Variants in CWC27 observed in about 807,000 individuals in gnomAD.
CWC27 encodes the protein CWC27 spliceosome associated cyclophilin, also known as spliceosome-associated protein CWC27 homolog.
CWC27 carries 47 observed loss-of-function variants against 63.6 expected under a neutral mutation model. The observed-to-expected ratio is 0.74, with a 90% CI of 0.58 to 0.94. The LOEUF is 0.94. Ranked by LOEUF, CWC27 falls within the 40% of genes least tolerant of loss-of-function variation. The probability of loss-of-function intolerance (pLI) is 0.00; values close to 1 mark genes in which losing one functional copy is unlikely to be tolerated. For synonymous variants in CWC27, 175 were observed against 179.8 expected (o/e 0.97, Z 0.22); for missense variants, 495 against 554.3 (o/e 0.89, Z 1.07).
chr5:64,851,771 C>T (rs927747894), intron 10 of CWC27, among the ~76,000 whole-genome samples: 1 of 152,026 alleles, frequency 6.6e-6, no homozygotes, highest in Non-Finnish European at 1.5e-5. Flanking sequence ...TAAGCAATAC[C>T]AAGTAAAAAT....
At chr5:64,821,508 G>A (rs1230544224) in intron 10 of CWC27, among the ~76,000 whole-genome samples, 1 of 152,180 alleles carries the variant, frequency 6.6e-6, no homozygotes, top group Non-Finnish European at 1.5e-5. Context: ...TCAGCATATA[G>A]TGAATAAGGA....
chr5:64,839,020 A>G (rs1174949500), intron 10 of CWC27, among the ~76,000 whole-genome samples: 3 of 152,240 alleles, frequency 2.0e-5, no homozygotes, highest in African/African-American at 4.8e-5. Context: ...TGAGAAAAGA[A>G]TATCTTTCAA....
intron 11 of CWC27, among the ~76,000 whole-genome samples, chr5:64,920,833 A>T (rs1304511622): frequency 6.6e-6 from 1 of 151,244 alleles, no homozygotes; most frequent in Admixed American, 6.6e-5. Flanking sequence ...GTTTATTTGG[A>T]TCTTCTCTCT....
intron 11 of CWC27, among the ~76,000 whole-genome samples, chr5:64,900,273 G>A (rs908779020): frequency 4.6e-5 from 7 of 152,166 alleles, no homozygotes; most frequent in African/African-American, 1.7e-4. Flanking sequence ...ATAGTTTGCA[G>A]TGTTACTTTG....
At chr5:64,826,230 C>G (rs1405589843) in intron 10 of CWC27, among the ~76,000 whole-genome samples, 1 of 152,072 alleles carries the variant, frequency 6.6e-6, no homozygotes, top group African/African-American at 2.4e-5. Flanking sequence ...CTTAATTTCC[C>G]TTGTGACTTT....
At chr5:64,953,557 C>T (rs1181843075) in intron 11 of CWC27, among the ~76,000 whole-genome samples, 2 of 151,902 alleles carry the variant, frequency 1.3e-5, no homozygotes, top group Non-Finnish European at 2.9e-5. Flanking sequence ...AATTTTTCAC[C>T]TCACCGAGAA....
chr5:64,858,690 T>G (rs1422483625), intron 10 of CWC27, among the ~76,000 whole-genome samples: 1 of 151,588 alleles, frequency 6.6e-6, no homozygotes, highest in Non-Finnish European at 1.5e-5. Flanking sequence ...CAATACAAAT[T>G]AAACCACTAT....
chr5:64,869,454 C>T (rs1580690121), intron 10 of CWC27, among the ~76,000 whole-genome samples: 1 of 152,024 alleles, frequency 6.6e-6, no homozygotes, highest in East Asian at 1.9e-4. Context: ...TAGCACAGTT[C>T]AAGCAAGTTT....
intron 12 of CWC27, among the ~76,000 whole-genome samples, chr5:64,972,237 A>C (rs1258767262): frequency 6.6e-6 from 1 of 152,198 alleles, no homozygotes. Flanking sequence ...GAAATAAGTC[A>C]TTTGGTCTGC....
At chr5:64,769,480 C>T (rs887125993) in intron 1 of CWC27, among the ~76,000 whole-genome samples, 3 of 152,172 alleles carry the variant, frequency 2.0e-5, no homozygotes, top group African/African-American at 4.8e-5. Flanking sequence ...TTTAAACAGA[C>T]ATTTTTGAGT....
chr5:64,993,647 T>C (rs1749580701), intron 13 of CWC27, among the ~76,000 whole-genome samples: 1 of 151,632 alleles, frequency 6.6e-6, no homozygotes, highest in Admixed American at 6.6e-5. Flanking sequence ...CTGGACTCTC[T>C]CCAGAATCTT....
At chr5:64,878,469 T>TAAAAAAAAAAAA (rs1746849585) in intron 10 of CWC27, among the ~76,000 whole-genome samples, 1 of 27,080 alleles carries the variant, frequency 3.7e-5, no homozygotes, top group African/African-American at 2.1e-4. Flanking sequence ...GGGTTACAGA[T>TAAAAAAAAAAAA]TAAAAAAAAA....
At chr5:64,842,869 T>C (rs1745881862) in intron 10 of CWC27, among the ~76,000 whole-genome samples, 1 of 152,220 alleles carries the variant, frequency 6.6e-6, no homozygotes, top group African/African-American at 2.4e-5. Flanking sequence ...CTCAAAGTGC[T>C]GGGATTACAG....
intron 11 of CWC27, among the ~76,000 whole-genome samples, chr5:64,931,720 A>G (rs116643768): frequency 0.036 from 5,522 of 152,098 alleles, 352 homozygotes; most frequent in African/African-American, 0.13. Flanking sequence ...GCATGTGTAT[A>G]TAGCCACTAA....
intron 10 of CWC27, among the ~76,000 whole-genome samples, chr5:64,875,656 A>G (rs1383640166): frequency 5.9e-5 from 9 of 152,166 alleles, no homozygotes; most frequent in Non-Finnish European, 1.3e-4. Context: ...AAACTGTTAC[A>G]TTTCTCACTT....
Position 64,833,167 on chromosome 5 carries a change from A to AC in CWC27, c.938+28788dup, listed in dbSNP as rs939528604. ...AAATTATTTTGTATTATACACACAT[A>AC]CCCCCCCACACAGATTTATGTATGT... On this transcript the variant is annotated intron_variant, in intron 10 of 13. Coordinates refer to ENST00000381070, the MANE Select transcript of CWC27 (RefSeq NM_005869.4). 4.7e-4 allele frequency among the ~76,000 whole-genome samples: 72 copies of AC among 151,616 alleles called. 1 individual carries two copies. Among genetic ancestry groups the AC allele is most frequent in the African/African-American group, 2.2e-4 (9 of 41,432 alleles).
rs1744863802 is a variant in CWC27, at chr5:64,811,057, T to G, written c.938+6671T>G. 1.3e-5 allele frequency among the ~76,000 whole-genome samples: 2 copies of G among 152,094 alleles called. 1 individual carries two copies. The highest frequency in any genetic ancestry group is 4.1e-4 in the South Asian group (2 of 4,828). On this transcript the variant is annotated intron_variant, in intron 10 of 13. Coordinates refer to ENST00000381070, the MANE Select transcript of CWC27 (RefSeq NM_005869.4). ...TGTTTGTACATTTGAATCATCCCATTCCTGAACAAGCTGTTCATAAATTTT... is the reference window on the plus strand; with the variant it reads ...TGTTTGTACATTTGAATCATCCCATGCCTGAACAAGCTGTTCATAAATTTT...
intron 11 of CWC27, among the ~76,000 whole-genome samples, chr5:64,952,779 C>T (rs1162646424): frequency 6.6e-6 from 1 of 152,052 alleles, no homozygotes; most frequent in African/African-American, 2.4e-5. Flanking sequence ...CCTTTAGAAG[C>T]AAGCTTACAG....
chr5:64,899,293 A>G (rs1747449455), intron 11 of CWC27, among the ~76,000 whole-genome samples: 1 of 152,218 alleles, frequency 6.6e-6, no homozygotes, highest in Non-Finnish European at 1.5e-5. Flanking sequence ...GGCAATAAGT[A>G]TAACAGTAGT....
Sources: gnomAD v4.1 joint callset for allele counts (sites outside exome capture counted in the v4.1 genomes callset) on GRCh38, gnomAD v4.1.1 for gene constraint, MANE v1.5 for transcripts, NCBI Gene and HGNC (gene_info 2026-07-23, HGNC 2026-07-21) for gene names.